CAMKK2: variants seen among roughly 807,000 people sequenced by gnomAD.
CAMKK2 encodes the protein calcium/calmodulin-dependent protein kinase kinase 2.
In CAMKK2, 30 loss-of-function variants were observed where a neutral mutation model predicts 67.2. The ratio of observed to expected loss-of-function variants is 0.45; its 90% CI spans 0.33 to 0.61. The LOEUF is 0.61. Among genes scored for constraint, CAMKK2 ranks in the 20% least tolerant of loss-of-function variants. The probability of loss-of-function intolerance (pLI) is 0.02; values close to 1 mark genes in which losing one functional copy is unlikely to be tolerated. For synonymous variants in CAMKK2, 322 were observed against 326.2 expected (o/e 0.99, Z 0.14); for missense variants, 643 against 802.0 (o/e 0.80, Z 2.39).
At chr12:121,272,943 T>C (rs1896054945) in intron 2 of CAMKK2, among the ~76,000 whole-genome samples, 1 of 152,092 alleles carries the variant, frequency 6.6e-6, no homozygotes, top group Non-Finnish European at 1.5e-5. Context: ...ATTAAATTCA[T>C]TCGTTCCTTC....
chr12:121,239,073 G>A lies in CAMKK2; in HGVS notation c.*1626C>T, dbSNP rs1346310682. 1.3e-5 allele frequency: 2 copies of A among 152,326 alleles called. No individual in the cohort carries two copies. The highest frequency in any genetic ancestry group is 2.9e-5 in the Non-Finnish European group (2 of 68,100). The allele number at this position is 152,326 out of a possible 1,614,324, so 9.4% of individuals were successfully genotyped here. A position where few individuals can be genotyped will look rare whatever the true frequency, so the allele number is the denominator to read the frequency against. On this transcript the variant is annotated 3_prime_UTR_variant, in exon 17 of 17. Coordinates refer to ENST00000404169, the MANE Select transcript of CAMKK2 (RefSeq NM_001270485.2). ...AAGTCTGGCTAAACTACAGTCAAGA[G>A]CTTAGGATCTATGGAAGCCAAGAAG... is the stretch of plus-strand genomic sequence containing the variant.
intron 4 of CAMKK2, 21 bp downstream of exon 4, chr12:121,269,507 G>C (rs1363933995): frequency 6.3e-7 from 1 of 1,580,764 alleles, no homozygotes; most frequent in African/African-American, 1.3e-5. Flanking sequence ...TGGGGGCAGG[G>C]AGGAGAATGC....
Position 121,248,782 on chromosome 12 carries a change from G to A in CAMKK2, c.1324-48C>T, listed in dbSNP as rs140028600. On this transcript the variant is annotated intron_variant, in intron 13 of 16. Transcript: ENST00000404169. ...TGAGGGGCAGGTGTGGCTGGCTACC[G>A]GGGGGCCCTGCCAGCGAGCGGAGCC... 1,326 of 1,605,702 alleles carry A rather than the reference G, an allele frequency of 8.3e-4. 10 individuals carry two copies. In the African/African-American group the frequency reaches 0.015, roughly 18 times the overall value.
chr12:121,281,313 A>G (rs915221336), intron 1 of CAMKK2, among the ~76,000 whole-genome samples: 9 of 152,342 alleles, frequency 5.9e-5, no homozygotes, highest in East Asian at 3.9e-4. Context: ...AGGTGCTCCC[A>G]AGCCCGGACA....
intron 4 of CAMKK2, among the ~76,000 whole-genome samples, chr12:121,269,044 C>A (rs2668253): frequency 2.7e-5 from 4 of 148,364 alleles, no homozygotes; most frequent in Admixed American, 6.7e-5. Context: ...GTTTTACACA[C>A]GGGGAAACTG....
In CAMKK2 at chr12:121,296,095, C is replaced by G. The variant is rs1480321259; in HGVS notation, c.-60+543G>C. On this transcript the variant is annotated intron_variant, in intron 1 of 16. Coordinates refer to ENST00000404169, the MANE Select transcript of CAMKK2 (RefSeq NM_001270485.2). The surrounding 1 kb of genome is among the most constrained non-coding windows in gnomAD (Gnocchi z 7.1). ...GCGGTGGGGGTGGTCAAAGGGCAGACCGAAGACAGCCAAAGGTCCCCTAGG... is the reference window on the plus strand; with the variant it reads ...GCGGTGGGGGTGGTCAAAGGGCAGAGCGAAGACAGCCAAAGGTCCCCTAGG... Among the ~76,000 whole-genome samples, 1 of 152,160 alleles carries G rather than the reference C, an allele frequency of 6.6e-6. No homozygotes were observed. Among genetic ancestry groups the G allele is most frequent in the African/African-American group, 2.4e-5 (1 of 41,442 alleles).
chr12:121,255,330 T>TTA (rs1211073673), intron 9 of CAMKK2, among the ~76,000 whole-genome samples: 271 of 5,468 alleles, frequency 0.05, 28 homozygotes, highest in African/African-American at 0.083. Flanking sequence ...ATATATATAA[T>TTA]TATATATAAT....
At chr12:121,274,698 T>TA in intron 1 of CAMKK2, 113 bp from the exon 2 acceptor site, 1 of 592,186 alleles carries the variant, frequency 1.7e-6, no homozygotes. Context: ...GTTGACATCC[T>TA]AAAAAAATCT....
rs1417986010 is a variant in CAMKK2 at position 121,248,740 on chromosome 12, A to G, written c.1324-6T>C. On this transcript the variant is annotated splice_region_variant and splice_polypyrimidine_tract_variant and intron_variant, in intron 13 of 16. Coordinates refer to ENST00000404169, the MANE Select transcript of CAMKK2 (RefSeq NM_001270485.2). ...CTCGTGACCCAGGGGTGCAGCTTCA[A>G]CGAACGACAGGAGGGGTGAGGGGCA... 3.1e-6 allele frequency: 5 copies of G among 1,613,756 alleles called. No individual in the cohort carries two copies. Among genetic ancestry groups the G allele is most frequent in the Non-Finnish European group, 4.2e-6 (5 of 1,179,956 alleles).
Position 121,285,629 on chromosome 12 carries a change from C to T in CAMKK2, c.-60+11009G>A, listed in dbSNP as rs1007776647. The stretch of plus-strand genomic sequence containing the variant: ...TTTGAGACCAGCCTGGGCAACATGG[C>T]GAGACCTCATCGCTACAAAAATACA... On this transcript the variant is annotated intron_variant, in intron 1 of 16. Transcript: ENST00000404169. The surrounding 1 kb of genome is among the most constrained non-coding windows in gnomAD (Gnocchi z 4.1). 6.6e-6 allele frequency among the ~76,000 whole-genome samples: 1 copy of T among 151,892 alleles called. No homozygotes were observed. Among genetic ancestry groups the T allele is most frequent in the African/African-American group, 2.4e-5 (1 of 41,332 alleles).
rs374605370 is a variant in CAMKK2 at position 121,292,229 on chromosome 12, G to A, written c.-60+4409C>T. 1.8e-4 allele frequency among the ~76,000 whole-genome samples: 27 copies of A among 151,582 alleles called. No individual in the cohort carries two copies. The East Asian group carries it at 2.8e-3, about 16-fold the overall frequency. ...CAACATCCACCTCCCGGGTTCAAGCGATTCTCCTGTCTCAGTCTCCCGAGT... is the reference window on the plus strand; with the variant it reads ...CAACATCCACCTCCCGGGTTCAAGCAATTCTCCTGTCTCAGTCTCCCGAGT... On this transcript the variant is annotated intron_variant, in intron 1 of 16. Transcript: ENST00000404169.
Position 121,255,356 on chromosome 12 carries a change from A to T in CAMKK2, c.907+194T>A, listed in dbSNP as rs1318814852. ...TATATATAATTTTATATATATAATTATATATATAATTTTATATATATAATT... is the reference window on the plus strand; with the variant it reads ...TATATATAATTTTATATATATAATTTTATATATAATTTTATATATATAATT... On this transcript the variant is annotated intron_variant, in intron 9 of 16. Transcript: ENST00000404169. 2.9e-4 allele frequency among the ~76,000 whole-genome samples: 15 copies of T among 51,360 alleles called. 2 individuals carry two copies. The highest frequency in any genetic ancestry group is 3.6e-4 in the African/African-American group (4 of 11,198). The allele number at this position is 51,360 out of a possible 152,430, so 33.7% of individuals were successfully genotyped here.
intron 1 of CAMKK2, among the ~76,000 whole-genome samples, chr12:121,280,936 T>C (rs989509515): frequency 1.3e-5 from 2 of 152,234 alleles, no homozygotes. Context: ...CCACTTGCCT[T>C]GTGATATTCT....
Position 121,274,551 on chromosome 12 carries a change from C to G in CAMKK2, c.-25G>C. ...TGGTGCATGCGCCAGCTTCATCCAG[C>G]ACACTGGGGCACTCCCATCCGGCAG... On this transcript the variant is annotated 5_prime_UTR_variant, in exon 2 of 17. Coordinates refer to ENST00000404169, the MANE Select transcript of CAMKK2 (RefSeq NM_001270485.2). 1 of 1,527,702 alleles carries G rather than the reference C, an allele frequency of 6.5e-7. No individual in the cohort carries two copies. Among genetic ancestry groups the G allele is most frequent in the Non-Finnish European group, 8.9e-7 (1 of 1,122,652 alleles). 94.6% of individuals were successfully genotyped at this position (1,527,702 alleles called of 1,614,324 possible).
chr12:121,278,520 G>A (rs1593454256), intron 1 of CAMKK2, among the ~76,000 whole-genome samples: 1 of 152,320 alleles, frequency 6.6e-6, no homozygotes, highest in Middle Eastern at 3.4e-3. Flanking sequence ...TGTTGTGGGA[G>A]GGACCCAGTG....
At chr12:121,250,549 C>A (rs1157489492) in intron 11 of CAMKK2, among the ~76,000 whole-genome samples, 1 of 152,194 alleles carries the variant, frequency 6.6e-6, no homozygotes, top group Non-Finnish European at 1.5e-5. Flanking sequence ...AGGTGTCTGA[C>A]TAAAGCTCAC....
intron 16 of CAMKK2, chr12:121,243,965 C>T: frequency 6.8e-7 from 1 of 1,471,306 alleles, no homozygotes; most frequent in South Asian, 1.4e-5. Flanking sequence ...TTCTCCCAGT[C>T]TCATAAGGAC....
chr12:121,274,630 G>T, intron 1 of CAMKK2, 45 bp from the exon 2 acceptor site: 2 of 730,598 alleles, frequency 2.7e-6, no homozygotes, highest in Non-Finnish European at 4.4e-6. Context: ...CTACGGGCAG[G>T]GACAGGAAAG....
chr12:121,240,821 C>A lies in CAMKK2; in HGVS notation c.1645G>T (p.Gly549Trp), dbSNP rs1051450715. 2.5e-6 allele frequency: 4 copies of A among 1,611,816 alleles called. No individual in the cohort carries two copies. Among genetic ancestry groups the A allele is most frequent in the African/African-American group, 2.7e-5 (2 of 74,876 alleles). ...CTCACAAGAGCACTTCCTCCTCCCC[C>A]ACGGGGGGCGGGTCGGTGCCCTGGA... The part of the protein sequence containing the change: ...QPPGHRPAPR[G>W]GGGSALVRGS... The change falls in exon 17 of 17, where the codon GGG becomes TGG. Residue 549 changes from glycine to tryptophan, a missense_variant. Physicochemically the swap from Gly to Trp is radical, Grantham distance 184. This residue lies in a region of CAMKK2 where 140 missense variants were observed against 124.2 expected (regional missense o/e 1.13). Transcript: ENST00000404169. This position sits in a 1 kb window ranked among gnomAD's most constrained non-coding sequence, Gnocchi z 4.4.
Sources: allele counts gnomAD v4.1 joint callset (sites outside exome capture counted in the v4.1 genomes callset), GRCh38; gene constraint gnomAD v4.1.1; regional missense constraint gnomAD v4.1.1; non-coding constraint Gnocchi (gnomAD v3.1); transcripts MANE v1.5; gene names NCBI Gene and HGNC (gene_info 2026-07-23, HGNC 2026-07-21).